The following SEMA4D variants were observed in gnomAD, a reference collection of about 807,000 sequenced individuals.
The protein encoded by SEMA4D is semaphorin-4D.
SEMA4D carries 22 observed loss-of-function variants against 74.8 expected under a neutral mutation model. The ratio of observed to expected loss-of-function variants is 0.29; its 90% CI spans 0.21 to 0.42. SEMA4D has a LOEUF of 0.42. Ranked by LOEUF, SEMA4D falls within the 10% of genes least tolerant of loss-of-function variation. The pLI, the probability that SEMA4D is intolerant of heterozygous loss-of-function variation, is 1.00. For synonymous variants in SEMA4D, 445 were observed against 463.7 expected, an observed-to-expected ratio of 0.96 and a Z score of 0.52; for missense variants, 937 against 1,118.4, an observed-to-expected ratio of 0.84 and a Z score of 2.31.
At chr9:89,397,139 C>T (rs1841151302) in intron 5 of SEMA4D, among the ~76,000 whole-genome samples, 1 of 152,180 alleles carries the variant, frequency 6.6e-6, no homozygotes, top group Admixed American at 6.5e-5. Context: ...CTGCAGTGTC[C>T]ACATGCTGTT....
chr9:89,389,129 A>G, intron 9 of SEMA4D, 82 bp from the exon 10 acceptor site: 2 of 1,453,482 alleles, frequency 1.4e-6, no homozygotes, highest in Non-Finnish European at 1.9e-6. Flanking sequence ...GCACCCCTCC[A>G]TGGCCCAGCA....
rs751677249 is a variant in SEMA4D, at chr9:89,379,450, AC to A, written c.1842del (p.Leu614PhefsTer33). 6.2e-7 allele frequency: 1 copy of A among 1,614,092 alleles called. No individual in the cohort carries two copies. Among genetic ancestry groups the A allele is most frequent in the South Asian group, 1.1e-5 (1 of 91,066 alleles). Reference protein sequence around the residue: ...MGRKNLLIFNLSEGDSGVYQC... With the variant: ...MGRKNLLIFNXSEGDSGVYQC... ...TGGTACACCCCACTGTCTCCTTCTG[AC>A]AAGTTGAAGATGAGCAAGTTTTTTC... On this transcript the variant is annotated frameshift_variant, in exon 16 of 16. Transcript: ENST00000422704. LOFTEE classifies it low-confidence loss of function (END_TRUNC).
At chr9:89,408,425 G>A (rs566837668) in intron 2 of SEMA4D, among the ~76,000 whole-genome samples, 1 of 152,314 alleles carries the variant, frequency 6.6e-6, no homozygotes, top group Non-Finnish European at 1.5e-5. Flanking sequence ...TAACAGTGGT[G>A]ACAAGCTATC....
rs540988866 is a variant in SEMA4D at position 89,468,322 on chromosome 9, A to T, written c.-309-12369T>A. Among the ~76,000 whole-genome samples, 3 of 152,318 alleles carry T rather than the reference A, an allele frequency of 2.0e-5. No homozygotes were observed. In the South Asian group the frequency reaches 6.2e-4, roughly 32 times the overall value. ...CTTGAAGAATCACTACAAAACTGTG[A>T]CCTTTTCCCTCACATAGGAAGATGC... On this transcript the variant is annotated intron_variant, in intron 1 of 15. Coordinates refer to ENST00000422704, the MANE Select transcript of SEMA4D (RefSeq NM_001371194.2).
At chr9:89,450,870 C>A in intron 2 of SEMA4D, 1 of 493,504 alleles carries the variant, frequency 2.0e-6, no homozygotes, top group Non-Finnish European at 3.6e-6. Flanking sequence ...TGGGGGTGTC[C>A]CTGCCGCCAC....
At chr9:89,432,172 A>AT (rs1309764902) in intron 2 of SEMA4D, among the ~76,000 whole-genome samples, 2 of 152,222 alleles carry the variant, frequency 1.3e-5, no homozygotes, top group Non-Finnish European at 2.9e-5. Flanking sequence ...GCTTCCATCC[A>AT]TAAGACAGAG....
Position 89,421,165 on chromosome 9 carries a change from A to G in SEMA4D, c.-243-15466T>C, listed in dbSNP as rs144598775. The stretch of plus-strand genomic sequence containing the variant: ...GCTTAGGAACACTGTGACAGGCAGC[A>G]CTGCTGTGGCTGTGGACGGGGAGAG... On this transcript the variant is annotated intron_variant, in intron 2 of 15. Transcript: ENST00000422704. Among the ~76,000 whole-genome samples the G allele has an allele frequency of 2.4e-3, 372 of 152,336 alleles. 2 individuals carry two copies. Among genetic ancestry groups the G allele is most frequent in the African/African-American group, 8.1e-3 (338 of 41,568 alleles).
chr9:89,490,835 G>A (rs1286084911), intron 1 of SEMA4D, among the ~76,000 whole-genome samples: 1 of 152,140 alleles, frequency 6.6e-6, no homozygotes, highest in Non-Finnish European at 1.5e-5. Flanking sequence ...AGAGGGGGTT[G>A]AGTGAAAAGG....
chr9:89,373,496 G>T (rs1002647814), downstream of SEMA4D, among the ~76,000 whole-genome samples: 1 of 152,148 alleles, frequency 6.6e-6, no homozygotes, highest in Non-Finnish European at 1.5e-5. Context: ...CTCTCTGGGG[G>T]GTGAGACGCT....
chr9:89,480,634 G>A (rs750791701), intron 1 of SEMA4D, among the ~76,000 whole-genome samples: 36 of 152,368 alleles, frequency 2.4e-4, no homozygotes, highest in Non-Finnish European at 4.6e-4. Context: ...GGGGGACTCA[G>A]TACACCCTCC....
chr9:89,473,850 A>AAAAAC (rs199999984), intron 1 of SEMA4D, among the ~76,000 whole-genome samples: 1,996 of 152,220 alleles, frequency 0.013, 48 homozygotes, highest in African/African-American at 0.042. Flanking sequence ...CTCCATCTCA[A>AAAAAC]AAAACAAAAC....
intron 2 of SEMA4D, among the ~76,000 whole-genome samples, chr9:89,411,198 G>C (rs551345923): frequency 6.6e-6 from 1 of 152,282 alleles, no homozygotes; most frequent in African/African-American, 2.4e-5. Context: ...GCATTTTAAG[G>C]CTCTGGCAAA....
intron 1 of SEMA4D, among the ~76,000 whole-genome samples, chr9:89,458,710 C>T (rs951566082): frequency 3.3e-5 from 5 of 152,012 alleles, no homozygotes; most frequent in Non-Finnish European, 7.4e-5. Flanking sequence ...CACATATATA[C>T]ATCCAAACAC....
intron 1 of SEMA4D, among the ~76,000 whole-genome samples, chr9:89,470,725 C>A (rs1038246112): frequency 4.0e-5 from 6 of 151,854 alleles, no homozygotes; most frequent in Non-Finnish European, 7.4e-5. Flanking sequence ...AAAAAAAAAA[C>A]CAAACTATTG....
intron 6 of SEMA4D, among the ~76,000 whole-genome samples, chr9:89,396,443 A>G (rs929095206): frequency 2.6e-5 from 4 of 152,110 alleles, no homozygotes; most frequent in African/African-American, 9.7e-5. Context: ...ACGCCCCTCC[A>G]TGGCATGCTC....
At chr9:89,457,209 G>T (rs1223373168) in intron 1 of SEMA4D, among the ~76,000 whole-genome samples, 1 of 152,206 alleles carries the variant, frequency 6.6e-6, no homozygotes, top group Non-Finnish European at 1.5e-5. Context: ...AGCAACCAGA[G>T]CCTGTGATGG....
At chr9:89,472,873 T>G (rs1860746095) in intron 1 of SEMA4D, among the ~76,000 whole-genome samples, 1 of 150,932 alleles carries the variant, frequency 6.6e-6, no homozygotes, top group Admixed American at 6.6e-5. Context: ...GTGAGAGGAG[T>G]GCTTGAGCCC....
chr9:89,367,552 G>A (rs975870503), intron 16 of SEMA4D: 18 of 152,300 alleles, frequency 1.2e-4, no homozygotes, highest in Non-Finnish European at 7.3e-5. Context: ...TCCCAGTGGC[G>A]AGCCAGGTGA....
At chr9:89,397,876 G>A (rs550711512) in intron 5 of SEMA4D, among the ~76,000 whole-genome samples, 1 of 152,216 alleles carries the variant, frequency 6.6e-6, no homozygotes, top group Non-Finnish European at 1.5e-5. Flanking sequence ...GGGACATGAT[G>A]GCTCAGAGGG....
Sources: gnomAD v4.1 joint callset for allele counts (sites outside exome capture counted in the v4.1 genomes callset) on GRCh38, gnomAD v4.1.1 for gene constraint, MANE v1.5 for transcripts, NCBI Gene and HGNC (gene_info 2026-07-23, HGNC 2026-07-21) for gene names.